Variants in FAM81A observed in about 807,000 individuals in gnomAD.
The protein encoded by FAM81A is protein FAM81A.
In FAM81A, 19 loss-of-function variants were observed where a neutral mutation model predicts 46.7. The observed-to-expected ratio is 0.41, with a 90% CI of 0.28 to 0.60. FAM81A has a LOEUF of 0.60. Among genes scored for constraint, FAM81A ranks in the 20% least tolerant of loss-of-function variants. The pLI is 0.34. For synonymous variants in FAM81A, 183 were observed against 152.9 expected (o/e 1.20, Z -1.45); for missense variants, 377 against 453.5 (o/e 0.83, Z 1.53).
At chr15:59,465,021 C>A (rs770026841) in intron 3 of FAM81A, among the ~76,000 whole-genome samples, 16 of 152,076 alleles carry the variant, frequency 1.1e-4, no homozygotes, top group Non-Finnish European at 2.2e-4. Flanking sequence ...TAGTTTAATT[C>A]TTTTGCATAT....
chr15:59,399,029 T>C (rs2081059342), intron 1 of FAM81A, among the ~76,000 whole-genome samples: 1 of 151,640 alleles, frequency 6.6e-6, no homozygotes, highest in Non-Finnish European at 1.5e-5. Context: ...GTTATCCAGA[T>C]GTGGTGGCGT....
At chr15:59,402,594 G>A (rs2081076291) in intron 2 of FAM81A, among the ~76,000 whole-genome samples, 1 of 151,862 alleles carries the variant, frequency 6.6e-6, no homozygotes, top group African/African-American at 2.4e-5. Context: ...AGGTTGGAGG[G>A]CAGTGGCTTG....
chr15:59,506,798 G>A (rs1383570900), intron 4 of FAM81A, among the ~76,000 whole-genome samples: 1 of 152,186 alleles, frequency 6.6e-6, no homozygotes, highest in Admixed American at 6.5e-5. Flanking sequence ...GAGTGATTCA[G>A]TCAAAGTTTA....
At chr15:59,432,951 C>G (rs1332149825) in intron 2 of FAM81A, among the ~76,000 whole-genome samples, 1 of 141,868 alleles carries the variant, frequency 7.0e-6, no homozygotes, top group African/African-American at 2.6e-5. Flanking sequence ...CTCCCTAACA[C>G]GGTGAAACCC....
At chr15:59,432,150 G>A (rs1328210552) in intron 2 of FAM81A, among the ~76,000 whole-genome samples, 5 of 151,816 alleles carry the variant, frequency 3.3e-5, no homozygotes, top group Admixed American at 3.3e-4. Flanking sequence ...GCCTTTACCT[G>A]GCAGGCATGT....
At position 59,505,625 on chromosome 15, in the gene FAM81A, T is replaced by C. The variant is rs562497701; in HGVS notation, c.414-1588T>C. Reference sequence around the variant, plus strand: ...CCTGGAAGTGGATGTACACCTCACATCTGCAGTTCACCCCTGTGTCTGCCC... The same window carrying C: ...CCTGGAAGTGGATGTACACCTCACACCTGCAGTTCACCCCTGTGTCTGCCC... On this transcript the variant is annotated intron_variant, in intron 4 of 8. Transcript: ENST00000288228. Among the ~76,000 whole-genome samples the C allele has an allele frequency of 3.3e-5, 5 of 152,146 alleles. No individual in the cohort carries two copies. The South Asian group carries it at 1.0e-3, about 32-fold the overall frequency.
chr15:59,519,569 C>T (rs1467476662), intron 8 of FAM81A, among the ~76,000 whole-genome samples: 1 of 149,782 alleles, frequency 6.7e-6, no homozygotes, highest in Non-Finnish European at 1.5e-5. Context: ...CTTTCCCTTC[C>T]CTTCCCTTCC....
chr15:59,421,729 GTCTA>G lies in FAM81A; in HGVS notation c.-78+19383_-78+19386del, dbSNP rs796163877. On this transcript the variant is annotated intron_variant, in intron 2 of 4. Transcript: ENST00000558348. ...AAACTATCTATCTGTCTGTCTGTCT[GTCTA>G]TCTATCTATCTGTCTATCTATCTAT... is the stretch of plus-strand genomic sequence containing the variant. 9.1e-4 allele frequency among the ~76,000 whole-genome samples: 117 copies of G among 128,964 alleles called. 1 individual carries two copies. The highest frequency in any genetic ancestry group is 3.4e-3 in the African/African-American group (108 of 31,490). 84.6% of individuals were successfully genotyped at this position (128,964 alleles called of 152,430 possible).
At chr15:59,518,777 C>A (rs945632423) in intron 8 of FAM81A, among the ~76,000 whole-genome samples, 2 of 150,560 alleles carry the variant, frequency 1.3e-5, no homozygotes, top group African/African-American at 4.9e-5. Context: ...AGTCTAGTGT[C>A]TTTTTTTTTC....
intron 2 of FAM81A, among the ~76,000 whole-genome samples, chr15:59,416,970 T>A (rs1286297670): frequency 2.0e-5 from 3 of 151,572 alleles, no homozygotes; most frequent in Non-Finnish European, 4.4e-5. Context: ...AGCCAAAGAG[T>A]CCCCATCCTA....
intron 1 of FAM81A, among the ~76,000 whole-genome samples, chr15:59,449,324 G>A (rs941587857): frequency 3.9e-5 from 6 of 152,092 alleles, no homozygotes; most frequent in Non-Finnish European, 2.9e-5. Flanking sequence ...TTAAGTTTAA[G>A]AAGTAAAAGA....
intron 2 of FAM81A, among the ~76,000 whole-genome samples, chr15:59,430,033 A>G (rs537053069): frequency 6.6e-6 from 1 of 152,320 alleles, no homozygotes; most frequent in South Asian, 2.1e-4. Context: ...AGAATAAACC[A>G]AAACAATAAA....
At chr15:59,465,355 C>T (rs4775169) in intron 3 of FAM81A, among the ~76,000 whole-genome samples, 2 of 152,078 alleles carry the variant, frequency 1.3e-5, no homozygotes, top group Non-Finnish European at 2.9e-5. Flanking sequence ...TCACGGCAAC[C>T]TCAGCCTCCC....
chr15:59,470,327 C>T (rs57841373), intron 3 of FAM81A, among the ~76,000 whole-genome samples: 10,199 of 152,272 alleles, frequency 0.067, 562 homozygotes, highest in Admixed American at 0.17. Flanking sequence ...CTCCCCATCA[C>T]TTTCAGGTAC....
At position 59,509,998 on chromosome 15, in the gene FAM81A, A is replaced by G. The variant is rs147002119; in HGVS notation, c.650+1029A>G. On this transcript the variant is annotated intron_variant, in intron 6 of 8. Coordinates refer to ENST00000288228, the MANE Select transcript of FAM81A (RefSeq NM_152450.3). ...TTATGAGAGATAATAGAGGGAATAG[A>G]GGAGAAGCAGTATCAAAAGAGAGAA... Among the ~76,000 whole-genome samples the G allele has an allele frequency of 4.5e-3, 678 of 152,274 alleles. 5 individuals are homozygous for G. The highest frequency in any genetic ancestry group is 4.0e-3 in the Non-Finnish European group (272 of 68,022).
intron 2 of FAM81A, among the ~76,000 whole-genome samples, chr15:59,405,472 C>T (rs2081090007): frequency 6.6e-6 from 1 of 152,006 alleles, no homozygotes; most frequent in African/African-American, 2.4e-5. Context: ...AAAACCCCGT[C>T]TGTACTAAAA....
chr15:59,401,840 A>T (rs2081072376), intron 1 of FAM81A: 1 of 740,920 alleles, frequency 1.3e-6, no homozygotes, highest in African/African-American at 1.8e-5. Flanking sequence ...TTTTCTCAGC[A>T]TGGCCCTGTT....
chr15:59,431,159 G>C (rs1336205996), intron 2 of FAM81A, among the ~76,000 whole-genome samples: 3 of 152,024 alleles, frequency 2.0e-5, no homozygotes, highest in Non-Finnish European at 4.4e-5. Context: ...CTTTCCATCA[G>C]ACCTGCTGGA....
Position 59,432,176 on chromosome 15 carries a change from G to A in FAM81A, c.-77-26374G>A, listed in dbSNP as rs754602115. ...GCAGGCATGTACTCATAAAGCGCTC[G>A]TTTCAGTTTAATTAATTAAGAAGAT... On this transcript the variant is annotated intron_variant, in intron 2 of 4. Coordinates refer to the FAM81A transcript ENST00000558348. 7.9e-5 allele frequency among the ~76,000 whole-genome samples: 12 copies of A among 152,048 alleles called. No homozygotes were observed. The East Asian group carries it at 9.6e-4, about 12-fold the overall frequency.
Sources: allele counts gnomAD v4.1 joint callset (sites outside exome capture counted in the v4.1 genomes callset), GRCh38; gene constraint gnomAD v4.1.1; transcripts MANE v1.5; gene names NCBI Gene and HGNC (gene_info 2026-07-23, HGNC 2026-07-21).